Variants in CEP164 observed in about 807,000 individuals in gnomAD.
CEP164 encodes the protein centrosomal protein 164, also known as centrosomal protein of 164 kDa.
CEP164 carries 162 observed loss-of-function variants against 182.7 expected under a neutral mutation model. That is an observed-to-expected ratio of 0.89 (90% CI 0.78 to 1.01). The LOEUF (loss-of-function observed/expected upper bound fraction) is 1.01. CEP164 is among the 50% of genes least tolerant of loss of function. CEP164 has a pLI of 0.00. For missense variants in CEP164, 1,735 were observed against 1,790.4 expected, an observed-to-expected ratio of 0.97 and a Z score of 0.56; for synonymous variants, 661 against 690.0, an observed-to-expected ratio of 0.96 and a Z score of 0.66.
At chr11:117,396,664 G>A in intron 26 of CEP164, 53 bp downstream of exon 26, 1 of 1,358,198 alleles carries the variant, frequency 7.4e-7, no homozygotes, top group African/African-American at 1.4e-5. Context: ...GAAGGGGTAA[G>A]TGAGTACCTG....
chr11:117,406,410 C>T (rs889872221), intron 27 of CEP164, among the ~76,000 whole-genome samples: 2 of 152,202 alleles, frequency 1.3e-5, no homozygotes, highest in Admixed American at 1.3e-4. Flanking sequence ...CCTCCCACAA[C>T]ACATGGGAAT....
chr11:117,410,553 C>T, intron 30 of CEP164: 1 of 326,774 alleles, frequency 3.1e-6, no homozygotes, highest in South Asian at 4.9e-5. Context: ...GCCAGGTGGC[C>T]TCCCCAGGTC....
chr11:117,353,190 C>T (rs2039879797), intron 5 of CEP164, among the ~76,000 whole-genome samples: 1 of 152,122 alleles, frequency 6.6e-6, no homozygotes, highest in African/African-American at 2.4e-5. Flanking sequence ...CTTCAGTTGT[C>T]CAGTTGTTTT....
chr11:117,395,515 C>T, intron 23 of CEP164, 32 bp from the exon 24 acceptor site: 1 of 1,586,550 alleles, frequency 6.3e-7, no homozygotes, highest in Non-Finnish European at 8.6e-7. Context: ...TGTGCTGTCT[C>T]TGGGTGCTTC....
intron 5 of CEP164, chr11:117,356,310 G>A (rs2040285691): frequency 8.9e-7 from 1 of 1,121,874 alleles, no homozygotes; most frequent in Non-Finnish European, 1.1e-6. Context: ...CTGCCTGAGA[G>A]CATGCAGGAC....
intron 11 of CEP164, among the ~76,000 whole-genome samples, chr11:117,377,319 G>A (rs1466863736): frequency 1.3e-5 from 2 of 152,220 alleles, no homozygotes; most frequent in Non-Finnish European, 2.9e-5. Flanking sequence ...GACAGGAGGT[G>A]GAGCTCAGGT....
intron 11 of CEP164, among the ~76,000 whole-genome samples, chr11:117,379,580 A>G (rs1792937401): frequency 1.3e-5 from 2 of 152,102 alleles, no homozygotes; most frequent in Admixed American, 6.5e-5. Context: ...AGGAGCTAAC[A>G]TTGATGGCGT....
chr11:117,352,727 C>T (rs768342082), intron 5 of CEP164, among the ~76,000 whole-genome samples: 2 of 152,150 alleles, frequency 1.3e-5, no homozygotes, highest in Non-Finnish European at 2.9e-5. Context: ...GTTGGGATTA[C>T]AGGCATCCGC....
chr11:117,346,905 T>TA (rs1228799195), intron 4 of CEP164, among the ~76,000 whole-genome samples: 2 of 152,068 alleles, frequency 1.3e-5, no homozygotes, highest in Non-Finnish European at 2.9e-5. Flanking sequence ...TATATATATA[T>TA]TTTACCCTTC....
chr11:117,398,843 T>C (rs2045823803), intron 27 of CEP164, among the ~76,000 whole-genome samples: 1 of 152,228 alleles, frequency 6.6e-6, no homozygotes, highest in Non-Finnish European at 1.5e-5. Flanking sequence ...GGGTCTGTGA[T>C]GGGAGGGGCT....
At chr11:117,378,704 A>T (rs1459957373) in intron 11 of CEP164, among the ~76,000 whole-genome samples, 1 of 152,128 alleles carries the variant, frequency 6.6e-6, no homozygotes, top group Non-Finnish European at 1.5e-5. Flanking sequence ...GGAGCAAAAA[A>T]GTTAAGGAAG....
chr11:117,372,647 C>T (rs1379234793), intron 9 of CEP164, among the ~76,000 whole-genome samples: 1 of 150,952 alleles, frequency 6.6e-6, no homozygotes, highest in Admixed American at 6.6e-5. Flanking sequence ...GAACTCCCGA[C>T]CTCAGGTGAT....
chr11:117,384,167 A>T lies in CEP164; in HGVS notation c.1724+1225A>T, dbSNP rs573488306. Among the ~76,000 whole-genome samples, 142 of 152,342 alleles carry T rather than the reference A, an allele frequency of 9.3e-4. 2 individuals are homozygous for T. The highest frequency in any genetic ancestry group is 3.2e-3 in the African/African-American group (134 of 41,574). Reference sequence around the variant, plus strand: ...ACATTTTCCCTTCTGTGAACTGAGCAGGTCTAAAGGATTTGGGACTGACTC... The same window carrying T: ...ACATTTTCCCTTCTGTGAACTGAGCTGGTCTAAAGGATTTGGGACTGACTC... On this transcript the variant is annotated intron_variant, in intron 14 of 32. Coordinates refer to ENST00000278935, the MANE Select transcript of CEP164 (RefSeq NM_014956.5).
chr11:117,401,922 G>A (rs2046184209), intron 27 of CEP164, among the ~76,000 whole-genome samples: 1 of 152,086 alleles, frequency 6.6e-6, no homozygotes, highest in South Asian at 2.1e-4. Context: ...CAAAGAACCA[G>A]CTCCTGGATT....
chr11:117,363,097 C>T (rs1814927265), intron 7 of CEP164, among the ~76,000 whole-genome samples: 1 of 152,198 alleles, frequency 6.6e-6, no homozygotes, highest in South Asian at 2.1e-4. Flanking sequence ...CCACCTTTGG[C>T]TGATCTCTGT....
chr11:117,410,831 G>T lies in CEP164; in HGVS notation c.4100G>T (p.Gly1367Val), dbSNP rs932133214. 1 of 1,612,228 alleles carries T rather than the reference G, an allele frequency of 6.2e-7. No individual in the cohort carries two copies. The highest frequency in any genetic ancestry group is 8.5e-7 in the Non-Finnish European group (1 of 1,179,016). ...TCCTGTCCCCATGCTCTTCCAGCTG[G>T]CATCCCGCTGCTCAGCAACAGCCCC... ...LEKWRKYFPS[G>V]IPLLSNSPTP... Residue 1367 changes from glycine to valine, a missense_variant, in exon 31 of 33, where the codon GGC becomes GTC. Transcript: ENST00000278935.
chr11:117,409,853 A>C lies in CEP164; in HGVS notation c.3984A>C (p.Thr1328=). 6.3e-7 allele frequency: 1 copy of C among 1,598,906 alleles called. No individual in the cohort carries two copies. Among genetic ancestry groups the C allele is most frequent in the South Asian group, 1.1e-5 (1 of 90,734 alleles). The change falls in exon 30 of 33, where the codon ACA becomes ACC. Residue 1328 remains threonine (T), a synonymous_variant. Coordinates refer to ENST00000278935, the MANE Select transcript of CEP164 (RefSeq NM_014956.5). The surrounding 1 kb of genome is among the most constrained non-coding windows in gnomAD (Gnocchi z 4.4). ...LARFSALSSA[T]PTSTQWAWDS... ...GGTTCTCAGCCTTATCATCTGCTAC[A>C]CCCACGTCCACCCAATGGGCCTGGG...
chr11:117,382,808 A>G lies in CEP164; in HGVS notation c.1590A>G (p.Pro530=), dbSNP rs767766490. 1.9e-6 allele frequency: 3 copies of G among 1,614,062 alleles called. No homozygotes were observed. In the South Asian group the frequency reaches 3.3e-5, roughly 18 times the overall value. ...TACTGCTATCAAGGGAGCAGGCCCCAAGCCCACCTGCTGCCTGTGAGAAGG... is the reference window on the plus strand; with the variant it reads ...TACTGCTATCAAGGGAGCAGGCCCCGAGCCCACCTGCTGCCTGTGAGAAGG... The part of the protein sequence containing the change: ...LQLSLQREQA[P]SPPAACEKGK... The change falls in exon 14 of 33, where the codon CCA becomes CCG. Residue 530 remains proline, a synonymous_variant. Transcript: ENST00000278935.
At chr11:117,378,683 C>T (rs964347452) in intron 11 of CEP164, among the ~76,000 whole-genome samples, 1 of 152,204 alleles carries the variant, frequency 6.6e-6, no homozygotes, top group Non-Finnish European at 1.5e-5. Flanking sequence ...GGATCCTTTG[C>T]TTCCTTTTCT....
Sources: allele counts gnomAD v4.1 joint callset (sites outside exome capture counted in the v4.1 genomes callset), GRCh38; gene constraint gnomAD v4.1.1; non-coding constraint Gnocchi (gnomAD v3.1); transcripts MANE v1.5; gene names NCBI Gene and HGNC (gene_info 2026-07-23, HGNC 2026-07-21).